VPS52: variants seen among roughly 807,000 people sequenced by gnomAD.
The protein encoded by VPS52 is VPS52 subunit of GARP complex.
A neutral mutation model predicts 98.7 loss-of-function variants in VPS52; 56 were observed. The ratio of observed to expected loss-of-function variants is 0.57; its 90% CI spans 0.46 to 0.71. VPS52 has a LOEUF of 0.71. Ranked by LOEUF, VPS52 falls within the 30% of genes least tolerant of loss-of-function variation. The probability of loss-of-function intolerance (pLI) is 0.00; values close to 1 mark genes in which losing one functional copy is unlikely to be tolerated. For missense variants in VPS52, 742 were observed against 925.9 expected, an observed-to-expected ratio of 0.80 and a Z score of 2.58; for synonymous variants, 348 against 346.4, an observed-to-expected ratio of 1.00 and a Z score of -0.05.
chr6:33,255,535 C>T (rs1353599000), intron 17 of VPS52, among the ~76,000 whole-genome samples: 1 of 147,374 alleles, frequency 6.8e-6, no homozygotes, highest in Non-Finnish European at 1.5e-5. Flanking sequence ...ACCTGTAATC[C>T]CAGCACTTTG....
Position 33,268,091 on chromosome 6 carries a change from T to A in VPS52, c.800+17A>T. The A allele has an allele frequency of 2.5e-6, 4 of 1,613,026 alleles. No homozygotes were observed. The highest frequency in any genetic ancestry group is 3.4e-6 in the Non-Finnish European group (4 of 1,179,972). ...AAAACTCAAAGGCCATCCCATGCAC[T>A]TCCTTGGGGTTGTGACCTGTACTTC... On this transcript the variant is annotated intron_variant, in intron 8 of 19. Coordinates refer to ENST00000445902, the MANE Select transcript of VPS52 (RefSeq NM_022553.6). The surrounding 1 kb of genome is among the most constrained non-coding windows in gnomAD (Gnocchi z 4.0).
intron 13 of VPS52, 89 bp downstream of exon 13, chr6:33,264,693 G>T: frequency 7.0e-7 from 1 of 1,428,692 alleles, no homozygotes; most frequent in African/African-American, 1.4e-5. Flanking sequence ...GATGATACCA[G>T]GTCAGTAGGA....
At chr6:33,266,748 G>A (rs771120567) in intron 11 of VPS52, 36 bp from the exon 12 acceptor site, 3 of 1,579,404 alleles carry the variant, frequency 1.9e-6, no homozygotes, top group Non-Finnish European at 2.6e-6. Context: ...AAACAGAAGG[G>A]ATGGACCCCA....
intron 17 of VPS52, among the ~76,000 whole-genome samples, chr6:33,259,216 G>A (rs768061208): frequency 3.3e-5 from 5 of 152,188 alleles, no homozygotes; most frequent in Non-Finnish European, 7.3e-5. Context: ...GACTTCCTGA[G>A]TAGAAAGCAG....
At chr6:33,256,307 AG>A (rs1488290958) in intron 17 of VPS52, among the ~76,000 whole-genome samples, 1 of 151,336 alleles carries the variant, frequency 6.6e-6, no homozygotes, top group African/African-American at 2.4e-5. Context: ...TATTCTCTAC[AG>A]AAAAAAAAAA....
At position 33,250,644 on chromosome 6, in the gene VPS52, C is replaced by T. The variant is rs1208496912; in HGVS notation, c.*197G>A. ...AGTGGTCTTGGGAAACCTGAAGACACTGGGATATTCAGAAGGCCAAGGGGA... is the reference window on the plus strand; with the variant it reads ...AGTGGTCTTGGGAAACCTGAAGACATTGGGATATTCAGAAGGCCAAGGGGA... On this transcript the variant is annotated 3_prime_UTR_variant, in exon 20 of 20. Coordinates refer to ENST00000445902, the MANE Select transcript of VPS52 (RefSeq NM_022553.6). 3.0e-6 allele frequency: 2 copies of T among 661,942 alleles called. No homozygotes were observed. The highest frequency in any genetic ancestry group is 4.9e-6 in the Non-Finnish European group (2 of 405,786). The allele number at this position is 661,942 out of a possible 1,614,324, so 41.0% of individuals were successfully genotyped here.
intron 17 of VPS52, among the ~76,000 whole-genome samples, chr6:33,259,125 C>G (rs1015830949): frequency 6.6e-6 from 1 of 152,180 alleles, no homozygotes; most frequent in Non-Finnish European, 1.5e-5. Flanking sequence ...CCCTGACCAG[C>G]TAGTGAGACT....
At position 33,251,513 on chromosome 6, in the gene VPS52, G is replaced by A. The variant is rs749836180; in HGVS notation, c.2025+5C>T. On this transcript the variant is annotated splice_donor_5th_base_variant and intron_variant, in intron 19 of 19. Coordinates refer to ENST00000445902, the MANE Select transcript of VPS52 (RefSeq NM_022553.6). ...TCTGAGTGGGGCCTGGGACTTGCAG[G>A]TCACCTGAATGATACTGGTGCCATT... The A allele has an allele frequency of 3.5e-5, 55 of 1,587,734 alleles. No homozygotes were observed. Among genetic ancestry groups the A allele is most frequent in the Middle Eastern group, 3.3e-4 (2 of 5,982 alleles).
rs779431856 is a variant in VPS52, at chr6:33,263,855, G to A, written c.1645C>T (p.Arg549Ter). The A allele has an allele frequency of 6.8e-6, 11 of 1,614,056 alleles. No individual in the cohort carries two copies. Among genetic ancestry groups the A allele is most frequent in the Middle Eastern group, 1.6e-4 (1 of 6,084 alleles). Reference protein sequence around the residue: ...LQVEVENFVLRVAAEFSSRKE... With the variant: ...LQVEVENFVL ...CTTGAGGAGAACTCAGCTGCCACTC[G>A]GAGGACAAAATTCTCCACCTCCACC... Residue 549 changes from arginine (R) to a stop codon, truncating the protein, a stop_gained, in exon 16 of 20, where the codon CGA (arginine) becomes TGA (stop). Coordinates refer to ENST00000445902, the MANE Select transcript of VPS52 (RefSeq NM_022553.6). LOFTEE classifies it high-confidence loss of function.
At chr6:33,251,790 C>T (rs1581540044) in intron 18 of VPS52, 70 bp downstream of exon 18, 2 of 1,521,454 alleles carry the variant, frequency 1.3e-6, no homozygotes, top group South Asian at 2.2e-5. Flanking sequence ...ACCATGTAAT[C>T]TGCATCCTTT....
At chr6:33,269,463 TA>T (rs770082688) in intron 5 of VPS52, 26 bp downstream of exon 5, 37 of 1,612,692 alleles carry the variant, frequency 2.3e-5, no homozygotes, top group East Asian at 2.2e-4. Context: ...GAGTAGCTAT[TA>T]GGGGTCACAG....
chr6:33,271,562 G>A, intron 1 of VPS52, 24 bp downstream of exon 1: 2 of 1,583,330 alleles, frequency 1.3e-6, no homozygotes, highest in Admixed American at 1.8e-5. Context: ...GAACTACGGA[G>A]GAGAAACAGC....
In VPS52 at chr6:33,267,323, T is replaced by C; in HGVS notation, c.992-2A>G. 1 of 1,577,362 alleles carries C rather than the reference T, an allele frequency of 6.3e-7. No individual in the cohort carries two copies. Among genetic ancestry groups the C allele is most frequent in the Non-Finnish European group, 8.6e-7 (1 of 1,162,456 alleles). Reference sequence around the variant, plus strand: ...GGAGCGATGGCTTTGAGAAGAATCGTAAGATGGGTCAGAGTCAGGGAAAAC... The same window carrying C: ...GGAGCGATGGCTTTGAGAAGAATCGCAAGATGGGTCAGAGTCAGGGAAAAC... On this transcript the variant is annotated splice_acceptor_variant, in intron 10 of 19. Transcript: ENST00000445902. LOFTEE classifies it high-confidence loss of function. The surrounding 1 kb of genome is among the most constrained non-coding windows in gnomAD (Gnocchi z 4.2).
In VPS52 at chr6:33,268,513, G is replaced by A. The variant is rs768107020; in HGVS notation, c.685C>T (p.Arg229Trp). The A allele has an allele frequency of 2.7e-5, 44 of 1,603,242 alleles. No individual in the cohort carries two copies. Among genetic ancestry groups the A allele is most frequent in the Non-Finnish European group, 3.5e-5 (41 of 1,173,718 alleles). The change falls in exon 7 of 20, where the codon CGG becomes TGG. Residue 229 changes from arginine to tryptophan, a missense_variant. Arg to Trp is a moderately radical substitution (Grantham distance 101, BLOSUM62 -3). Around this residue, in one of 2 missense-constraint regions of VPS52, gnomAD observed 590 missense variants for 793.3 expected, o/e 0.74. Coordinates refer to ENST00000445902, the MANE Select transcript of VPS52 (RefSeq NM_022553.6). The surrounding 1 kb of genome is among the most constrained non-coding windows in gnomAD (Gnocchi z 4.0). ...ACADVRGVLD[R>W]LRVKAVTKIR... The stretch of plus-strand genomic sequence containing the variant: ...CTACTTCCCACCTTGACCCGGAGCC[G>A]ATCGAGCACGCCTCTGACATCTGCG...
intron 12 of VPS52, among the ~76,000 whole-genome samples, chr6:33,266,106 C>T (rs375521845): frequency 5.3e-5 from 8 of 151,322 alleles, no homozygotes; most frequent in East Asian, 3.9e-4. Context: ...GTGATCCTCC[C>T]GCCTCAGCCT....
intron 17 of VPS52, among the ~76,000 whole-genome samples, chr6:33,260,305 C>T (rs1047084003): frequency 7.3e-5 from 11 of 151,444 alleles, no homozygotes. Context: ...GTCCTCTCGC[C>T]TTTGTCTCCC....
chr6:33,269,637 G>A, intron 4 of VPS52, 80 bp from the exon 5 acceptor site: 1 of 1,573,224 alleles, frequency 6.4e-7, no homozygotes, highest in Non-Finnish European at 8.7e-7. Context: ...ATTTCTCTTT[G>A]AAGTGATAGA....
chr6:33,251,991 T>C lies in VPS52; in HGVS notation c.1795-20A>G. Reference sequence around the variant, plus strand: ...GAATTCCTGGAAAGACACAAACACATATACACAGGTGTCCTGGTGTCAGCA... The same window carrying C: ...GAATTCCTGGAAAGACACAAACACACATACACAGGTGTCCTGGTGTCAGCA... On this transcript the variant is annotated intron_variant, in intron 17 of 19. Coordinates refer to ENST00000445902, the MANE Select transcript of VPS52 (RefSeq NM_022553.6). 1 of 1,602,668 alleles carries C rather than the reference T, an allele frequency of 6.2e-7. No individual in the cohort carries two copies. Among genetic ancestry groups the C allele is most frequent in the Non-Finnish European group, 8.5e-7 (1 of 1,170,770 alleles).
intron 1 of VPS52, chr6:33,271,291 T>C (rs973688473): frequency 5.4e-5 from 34 of 629,456 alleles, no homozygotes; most frequent in Non-Finnish European, 8.1e-5. Context: ...GTGGCAGAGA[T>C]AGAACTCAGG....
Sources: gnomAD v4.1 joint callset for allele counts (sites outside exome capture counted in the v4.1 genomes callset) on GRCh38, gnomAD v4.1.1 for gene constraint, gnomAD v4.1.1 regional missense constraint, Gnocchi (gnomAD v3.1) non-coding constraint, MANE v1.5 for transcripts, NCBI Gene and HGNC (gene_info 2026-07-23, HGNC 2026-07-21) for gene names.